The following CCDC169 variants were observed in gnomAD, a reference collection of about 807,000 sequenced individuals.
CCDC169 encodes the protein coiled-coil domain-containing protein 169.
CCDC169 carries 30 observed loss-of-function variants against 36.0 expected under a neutral mutation model. The observed-to-expected ratio is 0.83, with a 90% CI of 0.62 to 1.13. The LOEUF (loss-of-function observed/expected upper bound fraction) is 1.13, where lower values mean the gene tolerates loss of function less well. Ranked by LOEUF, CCDC169 falls within the 50% of genes most tolerant of loss-of-function variation. The pLI, the probability that CCDC169 is intolerant of heterozygous loss-of-function variation, is 0.00. For missense variants in CCDC169, 245 were observed against 245.9 expected, an observed-to-expected ratio of 1.00 and a Z score of 0.03; for synonymous variants, 85 against 81.5, an observed-to-expected ratio of 1.04 and a Z score of -0.23.
At chr13:36,246,120 C>G (rs1872478226) in intron 7 of CCDC169, among the ~76,000 whole-genome samples, 1 of 152,190 alleles carries the variant, frequency 6.6e-6, no homozygotes, top group South Asian at 2.1e-4. Context: ...TGAGACACAA[C>G]ACTATTGAAA....
intron 7 of CCDC169, among the ~76,000 whole-genome samples, chr13:36,243,423 C>CA (rs936403774): frequency 7.0e-6 from 1 of 143,754 alleles, no homozygotes; most frequent in Non-Finnish European, 1.5e-5. Context: ...TAATTTGAAT[C>CA]CAGGAGGCAG....
At chr13:36,253,946 T>C in intron 5 of CCDC169, 90 bp from the exon 6 acceptor site, 2 of 1,536,984 alleles carry the variant, frequency 1.3e-6, no homozygotes, top group Admixed American at 2.1e-5. Flanking sequence ...CTCTATAGTG[T>C]AGGAAATAGT....
chr13:36,252,647 T>A (rs1415575935), intron 6 of CCDC169, among the ~76,000 whole-genome samples: 1 of 152,212 alleles, frequency 6.6e-6, no homozygotes, highest in Non-Finnish European at 1.5e-5. Flanking sequence ...CTATTTCTTC[T>A]TTTCCCACTG....
At chr13:36,276,082 C>G (rs1047940886) in intron 4 of CCDC169, among the ~76,000 whole-genome samples, 2 of 152,162 alleles carry the variant, frequency 1.3e-5, no homozygotes, top group African/African-American at 4.8e-5. Context: ...CTATGGCAAG[C>G]TGAAACATAT....
chr13:36,242,358 C>A (rs1871940487), intron 7 of CCDC169, among the ~76,000 whole-genome samples: 1 of 152,142 alleles, frequency 6.6e-6, no homozygotes, highest in Non-Finnish European at 1.5e-5. Flanking sequence ...TCTCTCTTCA[C>A]ATGTCCTTTG....
intron 7 of CCDC169, among the ~76,000 whole-genome samples, chr13:36,235,220 G>A (rs530801448): frequency 6.0e-5 from 9 of 151,086 alleles, no homozygotes; most frequent in South Asian, 2.1e-4. Context: ...AGATGGCTTC[G>A]CTGGTAAATT....
intron 4 of CCDC169, among the ~76,000 whole-genome samples, chr13:36,276,147 C>A (rs1421603730): frequency 1.3e-5 from 2 of 152,188 alleles, no homozygotes; most frequent in African/African-American, 4.8e-5. Flanking sequence ...AAAGCCAATT[C>A]ATCAAAGGAT....
chr13:36,282,904 GC>G (rs1363876530), intron 4 of CCDC169: 4 of 153,822 alleles, frequency 2.6e-5, no homozygotes, highest in African/African-American at 7.2e-5. Flanking sequence ...CTAGGACTGA[GC>G]CTCAGTTATC....
chr13:36,229,387 G>A (rs1014104788), downstream of CCDC169, among the ~76,000 whole-genome samples: 1 of 152,022 alleles, frequency 6.6e-6, no homozygotes, highest in African/African-American at 2.4e-5. Flanking sequence ...ACACTTAAAT[G>A]TAATAGAGTC....
chr13:36,258,697 C>G (rs1222358080), intron 4 of CCDC169, among the ~76,000 whole-genome samples: 1 of 152,124 alleles, frequency 6.6e-6, no homozygotes, highest in Non-Finnish European at 1.5e-5. Context: ...GAATAATCCA[C>G]TCCTTTAGCA....
At chr13:36,273,475 A>C (rs972430956) in intron 4 of CCDC169, among the ~76,000 whole-genome samples, 4 of 152,188 alleles carry the variant, frequency 2.6e-5, no homozygotes, top group Admixed American at 6.5e-5. Flanking sequence ...CTGAGGCCCC[A>C]CACACATACT....
At chr13:36,232,100 A>G (rs914403036) in intron 7 of CCDC169, among the ~76,000 whole-genome samples, 1 of 152,188 alleles carries the variant, frequency 6.6e-6, no homozygotes, top group African/African-American at 2.4e-5. Context: ...AACTTCGAAC[A>G]CTGAGCTTTG....
At chr13:36,229,631 G>A (rs1288951186), downstream of CCDC169, among the ~76,000 whole-genome samples, 4 of 145,530 alleles carry the variant, frequency 2.7e-5, no homozygotes, top group Non-Finnish European at 4.5e-5. Flanking sequence ...TCTGCCTCCC[G>A]GGTTCAAGTG....
At chr13:36,269,184 A>C (rs1164620207) in intron 4 of CCDC169, among the ~76,000 whole-genome samples, 3 of 152,198 alleles carry the variant, frequency 2.0e-5, no homozygotes, top group African/African-American at 7.2e-5. Flanking sequence ...GAAATGGATA[A>C]GTTCTTGGAA....
rs117708188 is a variant in CCDC169, at chr13:36,240,803, C to A, written c.545+7803G>T. The A allele has an allele frequency of 1.7e-3, 486 of 283,572 alleles. 3 individuals are homozygous for A. The highest frequency in any genetic ancestry group is 2.6e-3 in the Non-Finnish European group (388 of 148,526). 17.6% of individuals were successfully genotyped at this position (283,572 alleles called of 1,614,324 possible). On this transcript the variant is annotated intron_variant, in intron 7 of 7. Coordinates refer to ENST00000239859, the MANE Select transcript of CCDC169 (RefSeq NM_001144981.3). Reference sequence around the variant, plus strand: ...GGAATATGATTTTTCATAGTTAATACACACCATGGGCGACAGTCAATAAAG... The same window carrying A: ...GGAATATGATTTTTCATAGTTAATAAACACCATGGGCGACAGTCAATAAAG...
chr13:36,293,834 A>G (rs1304655349), intron 2 of CCDC169, among the ~76,000 whole-genome samples: 1 of 152,142 alleles, frequency 6.6e-6, no homozygotes, highest in Non-Finnish European at 1.5e-5. Context: ...GTTAATCCAC[A>G]GAATTATAAG....
intron 4 of CCDC169, among the ~76,000 whole-genome samples, chr13:36,277,112 A>T (rs1402827094): frequency 1.3e-5 from 2 of 152,294 alleles, no homozygotes; most frequent in East Asian, 3.9e-4. Context: ...GTACATATAC[A>T]CCATGGAATA....
intron 4 of CCDC169, among the ~76,000 whole-genome samples, chr13:36,254,372 T>C (rs1287259240): frequency 6.7e-6 from 1 of 150,134 alleles, no homozygotes; most frequent in Admixed American, 6.7e-5. Context: ...GCCTCCCAGG[T>C]CTATGCGATT....
At chr13:36,269,411 T>C (rs1255008527) in intron 4 of CCDC169, among the ~76,000 whole-genome samples, 1 of 152,172 alleles carries the variant, frequency 6.6e-6, no homozygotes, top group Non-Finnish European at 1.5e-5. Flanking sequence ...GAATCCTCCC[T>C]AAATCATTCT....
Sources: allele counts gnomAD v4.1 joint callset (sites outside exome capture counted in the v4.1 genomes callset), GRCh38; gene constraint gnomAD v4.1.1; transcripts MANE v1.5; gene names NCBI Gene and HGNC (gene_info 2026-07-23, HGNC 2026-07-21).